SLC5A6: variants seen among roughly 807,000 people sequenced by gnomAD.
SLC5A6 encodes solute carrier family 5 member 6.
Under a neutral mutation model 67.9 loss-of-function variants are expected in SLC5A6, and 31 were observed. The ratio of observed to expected loss-of-function variants is 0.46; its 90% confidence interval spans 0.34 to 0.62. The LOEUF is 0.62. Ranked by LOEUF, SLC5A6 falls within the 20% of genes least tolerant of loss-of-function variation. The pLI is 0.01. For missense variants in SLC5A6, 673 were observed against 812.8 expected, an observed-to-expected ratio of 0.83 and a Z score of 2.09; for synonymous variants, 343 against 331.0, an observed-to-expected ratio of 1.04 and a Z score of -0.39.
Position 27,203,760 on chromosome 2 carries a change from A to G in SLC5A6, c.1094+19T>C, listed in dbSNP as rs1673831075. On this transcript the variant is annotated intron_variant, in intron 10 of 16. Transcript: ENST00000310574. ...GGGTCAGGTGCACCAGGCCTGAGGG[A>G]AATCGTTAAAGTGGGTACCTGAGAG... The G allele has an allele frequency of 6.3e-7, 1 of 1,597,352 alleles. No individual in the cohort carries two copies. Among genetic ancestry groups the G allele is most frequent in the African/African-American group, 1.3e-5 (1 of 74,532 alleles).
chr2:27,211,987 T>TGCCCGCCCCC, intron 1 of SLC5A6, 33 bp downstream of exon 1: 1 of 424,682 alleles, frequency 2.4e-6, no homozygotes, highest in Non-Finnish European at 4.0e-6. Context: ...GCCCGCCCCC[T>TGCCCGCCCCC]GCCCGCCCCG....
rs1306366466 is a variant in SLC5A6 at position 27,201,697 on chromosome 2, T to C, written c.1513A>G (p.Thr505Ala). ...AAGGTAGTCAAGGGCATCAGTGTGGTCACAGTGGCAACGGTTAGATTGGTG... is the reference window on the plus strand; with the variant it reads ...AAGGTAGTCAAGGGCATCAGTGTGGCCACAGTGGCAACGGTTAGATTGGTG... ...LPTNLTVATVTTLMPLTTFSK... is the reference protein window; with the variant it reads ...LPTNLTVATVATLMPLTTFSK... The change falls in exon 14 of 17, where the codon ACC becomes GCC. Residue 505 changes from threonine (T) to alanine (A), a missense_variant. Transcript: ENST00000310574. 6.2e-7 allele frequency: 1 copy of C among 1,614,094 alleles called. No individual in the cohort carries two copies. The highest frequency in any genetic ancestry group is 1.7e-5 in the Admixed American group (1 of 60,024).
chr2:27,204,620 GCCGGCGTTAACAGACA>G, intron 8 of SLC5A6, 30 bp from the exon 9 acceptor site: 1 of 1,612,204 alleles, frequency 6.2e-7, no homozygotes, highest in South Asian at 1.1e-5. Context: ...CAGGAGGAGA[GCCGGCGTTAACAGACA>G]CCCTCAGGTG....
intron 2 of SLC5A6, among the ~76,000 whole-genome samples, chr2:27,210,453 C>T (rs978088284): frequency 6.2e-5 from 9 of 144,416 alleles, no homozygotes; most frequent in African/African-American, 1.5e-4. Context: ...TTTTTGGAGA[C>T]GGAGTCTCGC....
At chr2:27,212,576 G>T, upstream of SLC5A6, 1 of 1,468,538 alleles carries the variant, frequency 6.8e-7, no homozygotes, top group Non-Finnish European at 9.0e-7. Flanking sequence ...TTCTGATTTC[G>T]TCCCTGACGC....
At chr2:27,206,207 A>G in intron 5 of SLC5A6, 114 bp from the exon 6 acceptor site, 1 of 915,176 alleles carries the variant, frequency 1.1e-6, no homozygotes, top group Non-Finnish European at 1.8e-6. Flanking sequence ...TTAACAATGA[A>G]ATAAATCATT....
upstream of SLC5A6, chr2:27,212,697 T>A: frequency 7.6e-7 from 1 of 1,309,396 alleles, no homozygotes; most frequent in Non-Finnish European, 9.9e-7. Flanking sequence ...TTTCGCCCCT[T>A]AATTTTAGAA....
intron 1 of SLC5A6, chr2:27,211,785 C>T (rs1209044551): frequency 5.3e-6 from 1 of 189,628 alleles, no homozygotes; most frequent in African/African-American, 2.4e-5. Flanking sequence ...CTTAAGATCT[C>T]AGACCCACGC....
upstream of SLC5A6, chr2:27,212,755 C>G (rs558107241): frequency 2.2e-6 from 2 of 890,342 alleles, no homozygotes; most frequent in African/African-American, 1.8e-5. Flanking sequence ...CTTGTGTAAT[C>G]TCTCTACGCA....
intron 5 of SLC5A6, 157 bp from the exon 6 acceptor site, chr2:27,206,250 C>T: frequency 1.4e-6 from 1 of 732,110 alleles, no homozygotes; most frequent in South Asian, 1.7e-5. Flanking sequence ...TGCAGAGCTC[C>T]ACCAAAAGAT....
Position 27,202,064 on chromosome 2 carries a change from C to T in SLC5A6, c.1286G>A (p.Ser429Asn), listed in dbSNP as rs767870074. 3 of 1,613,446 alleles carry T rather than the reference C, an allele frequency of 1.9e-6. No homozygotes were observed. Among genetic ancestry groups the T allele is most frequent in the Non-Finnish European group, 1.7e-6 (2 of 1,179,392 alleles). The change falls in exon 13 of 17, where the codon AGC (serine) becomes AAC (asparagine). Residue 429 changes from serine to asparagine, a missense_variant. Coordinates refer to ENST00000310574, the MANE Select transcript of SLC5A6 (RefSeq NM_021095.4). ...QMGPVLQAAI[S>N]IFGMVGGPLL... is the part of the protein sequence containing the mutation. The stretch of plus-strand genomic sequence containing the variant: ...CGGTCCCCCAACCATGCCAAAGATG[C>T]TGATTGCTGCCTAGGAGGACAGGGT...
chr2:27,207,058 C>T lies in SLC5A6; in HGVS notation c.394-116G>A. The T allele has an allele frequency of 9.5e-7, 1 of 1,053,998 alleles. No homozygotes were observed. The allele number at this position is 1,053,998 out of a possible 1,614,324, so 65.3% of individuals were successfully genotyped here. ...TATCCAACCCATACCCACTCTGAGT[C>T]CTACTCGGCATAGCACCCTCCTCTC... On this transcript the variant is annotated intron_variant, in intron 3 of 16. Transcript: ENST00000310574. The surrounding 1 kb of genome is among the most constrained non-coding windows in gnomAD (Gnocchi z 5.5).
Position 27,204,555 on chromosome 2 carries a change from G to GCTGGAAGGGGA in SLC5A6, c.910_911insTCCCCTTCCAG (p.Ser304PhefsTer25). 6.2e-7 allele frequency: 1 copy of GCTGGAAGGGGA among 1,614,082 alleles called. No individual in the cohort carries two copies. Among genetic ancestry groups the GCTGGAAGGGGA allele is most frequent in the Non-Finnish European group, 8.5e-7 (1 of 1,179,954 alleles). ...GCCAATGAGGCAGCCCACGCAGAGG[G>GCTGGAAGGGGA]ACACCTGCTGGAAGGGGAACACTGC... On this transcript the variant is annotated frameshift_variant, in exon 9 of 17. Transcript: ENST00000310574. LOFTEE classifies it high-confidence loss of function.
chr2:27,208,630 T>A (rs1474621497), intron 2 of SLC5A6: 2 of 152,874 alleles, frequency 1.3e-5, no homozygotes, highest in African/African-American at 4.8e-5. Flanking sequence ...AAGCAATCCC[T>A]GTTCTGAGGC....
chr2:27,201,299 C>T, intron 15 of SLC5A6, 51 bp downstream of exon 15: 2 of 1,250,772 alleles, frequency 1.6e-6, no homozygotes, highest in South Asian at 2.4e-5. Flanking sequence ...TCCCTTAGGG[C>T]CCTCTGTTAA....
chr2:27,210,597 A>AT (rs764572434), intron 2 of SLC5A6, among the ~76,000 whole-genome samples: 1,477 of 138,782 alleles, frequency 0.011, 13 homozygotes, highest in South Asian at 0.016. Flanking sequence ...CGCCCAGCTA[A>AT]TTTTTTTTTT....
Position 27,207,229 on chromosome 2 carries a change from AC to A in SLC5A6, c.393+28del, listed in dbSNP as rs758288453. On this transcript the variant is annotated intron_variant, in intron 3 of 16. Transcript: ENST00000310574. The surrounding 1 kb of genome is among the most constrained non-coding windows in gnomAD (Gnocchi z 5.5). Reference sequence around the variant, plus strand: ...TCCTCTCCACCCCAACCCGTGTCCCACGCACTTCTCCCTTCTGTCCCTGCTC... The same window carrying A: ...TCCTCTCCACCCCAACCCGTGTCCCAGCACTTCTCCCTTCTGTCCCTGCTC... 62 of 1,607,764 alleles carry A rather than the reference AC, an allele frequency of 3.9e-5. 1 individual carries two copies. In the South Asian group the frequency reaches 6.6e-4, roughly 17 times the overall value.
Position 27,207,634 on chromosome 2 carries a change from C to T in SLC5A6, c.17G>A (p.Ser6Asn). 1 of 1,613,504 alleles carries T rather than the reference C, an allele frequency of 6.2e-7. No homozygotes were observed. Among genetic ancestry groups the T allele is most frequent in the Non-Finnish European group, 8.5e-7 (1 of 1,179,662 alleles). The change falls in exon 3 of 17, where the codon AGC (serine) becomes AAC (asparagine). Residue 6 changes from serine (S) to asparagine (N), a missense_variant. Transcript: ENST00000310574. This position sits in a 1 kb window ranked among gnomAD's most constrained non-coding sequence, Gnocchi z 5.5. The stretch of plus-strand genomic sequence containing the variant: ...GGTTGGGGAAAGAGGGGCTGAGGTG[C>T]TCACCCCTACACTCATATCCTCACT... Reference protein sequence around the residue: MSVGVSTSAPLSPTSG... With the variant: MSVGVNTSAPLSPTSG...
At chr2:27,203,172 C>A in intron 11 of SLC5A6, 61 bp downstream of exon 11, 1 of 1,603,470 alleles carries the variant, frequency 6.2e-7, no homozygotes, top group Non-Finnish European at 8.5e-7. Flanking sequence ...AAACTGATGA[C>A]AATGGTCAGG....
Sources: gnomAD v4.1 joint callset for allele counts (sites outside exome capture counted in the v4.1 genomes callset) on GRCh38, gnomAD v4.1.1 for gene constraint, Gnocchi (gnomAD v3.1) non-coding constraint, MANE v1.5 for transcripts, NCBI Gene and HGNC (gene_info 2026-07-23, HGNC 2026-07-21) for gene names.